The following BIRC6 variants were observed in gnomAD, a reference collection of about 807,000 sequenced individuals.
The protein encoded by BIRC6 is dual E2 ubiquitin-conjugating enzyme/E3 ubiquitin-protein ligase BIRC6.
Under a neutral mutation model 503.3 loss-of-function variants are expected in BIRC6, and 98 were observed. The observed-to-expected ratio is 0.19, with a 90% CI of 0.17 to 0.23. The LOEUF is 0.23. Ranked by LOEUF, BIRC6 falls within the 10% of genes least tolerant of loss-of-function variation. The pLI is 1.00. For missense variants in BIRC6, 5,360 were observed against 5,806.0 expected, an observed-to-expected ratio of 0.92 and a Z score of 2.50; for synonymous variants, 2,240 against 2,078.7, an observed-to-expected ratio of 1.08 and a Z score of -2.11.
At chr2:32,525,993 T>G (rs553412124) in intron 59 of BIRC6, among the ~76,000 whole-genome samples, 23 of 152,284 alleles carry the variant, frequency 1.5e-4, no homozygotes, top group African/African-American at 5.3e-4. Flanking sequence ...CTTAGACCAC[T>G]GGTAGTTAAG....
Position 32,439,488 on chromosome 2 carries a change from A to G in BIRC6, c.3632-20A>G, listed in dbSNP as rs551150815. The G allele has an allele frequency of 6.2e-7, 1 of 1,603,602 alleles. No homozygotes were observed. Among genetic ancestry groups the G allele is most frequent in the East Asian group, 2.2e-5 (1 of 44,724 alleles). ...TATTGGTGATTCAGTTATTTTCCCC[A>G]TTCTACTCCACTTCTCTAGGTATGG... On this transcript the variant is annotated intron_variant, in intron 15 of 73. Transcript: ENST00000421745.
intron 45 of BIRC6, among the ~76,000 whole-genome samples, chr2:32,496,080 A>G (rs1312161807): frequency 6.6e-6 from 1 of 152,038 alleles, no homozygotes; most frequent in Non-Finnish European, 1.5e-5. Flanking sequence ...TGACCTCGTG[A>G]TCAGCCTGCC....
intron 8 of BIRC6, among the ~76,000 whole-genome samples, chr2:32,404,007 A>G (rs1170654454): frequency 6.6e-6 from 1 of 151,090 alleles, no homozygotes; most frequent in African/African-American, 2.4e-5. Context: ...GGCTCACAGC[A>G]ACCTCTGCCT....
At chr2:32,584,166 A>T (rs908007794) in intron 66 of BIRC6, among the ~76,000 whole-genome samples, 1 of 152,204 alleles carries the variant, frequency 6.6e-6, no homozygotes, top group Non-Finnish European at 1.5e-5. Context: ...TGAGCCCAGG[A>T]GTTTAAGACA....
At position 32,448,828 on chromosome 2, in the gene BIRC6, C is replaced by A. The variant is rs1167813388; in HGVS notation, c.4518C>A (p.Val1506=). The part of the protein sequence containing the change: ...YGLYSSPFDP[V]LFDLEMSGSS... ...TATATAGCTCACCATTTGATCCAGT[C>A]CTCTTTGATTTGGAGATGAGTGGCT... is the stretch of plus-strand genomic sequence containing the variant. The change falls in exon 22 of 74, where the codon GTC becomes GTA. Residue 1506 remains valine, a synonymous_variant. Coordinates refer to ENST00000421745, the MANE Select transcript of BIRC6 (RefSeq NM_016252.4). 1.2e-6 allele frequency: 2 copies of A among 1,613,098 alleles called. No individual in the cohort carries two copies. The highest frequency in any genetic ancestry group is 1.3e-5 in the African/African-American group (1 of 74,880).
At chr2:32,558,330 C>T (rs1293503271) in intron 65 of BIRC6, among the ~76,000 whole-genome samples, 2 of 152,072 alleles carry the variant, frequency 1.3e-5, no homozygotes, top group African/African-American at 2.4e-5. Flanking sequence ...CAAAAAACTA[C>T]ACATACTTAG....
chr2:32,605,995 C>T (rs1242045267), intron 71 of BIRC6, among the ~76,000 whole-genome samples: 1 of 152,140 alleles, frequency 6.6e-6, no homozygotes, highest in African/African-American at 2.4e-5. Flanking sequence ...CTTTCGAGTA[C>T]TCATTTTTAA....
At chr2:32,559,774 A>C (rs57139164) in intron 65 of BIRC6, among the ~76,000 whole-genome samples, 1 of 151,614 alleles carries the variant, frequency 6.6e-6, no homozygotes. Flanking sequence ...TAATCCCAGC[A>C]CTTTGGGAGG....
intron 21 of BIRC6, among the ~76,000 whole-genome samples, chr2:32,446,700 T>G (rs539519034): frequency 6.7e-6 from 1 of 150,352 alleles, no homozygotes; most frequent in African/African-American, 2.4e-5. Context: ...TTCACTGAAT[T>G]TGATGGGTCA....
intron 1 of BIRC6, among the ~76,000 whole-genome samples, chr2:32,370,732 A>G (rs900553458): frequency 9.2e-5 from 14 of 152,058 alleles, no homozygotes; most frequent in African/African-American, 3.4e-4. Context: ...TAGTAGGTGT[A>G]TATATTTTTG....
At position 32,546,896 on chromosome 2, in the gene BIRC6, T is replaced by G. The variant is rs574917733; in HGVS notation, c.12811-954T>G. ...AATTTCGACACCACCCTGGCCAGCA[T>G]AGTGAAACTCTATCTCTATTAAAAT... On this transcript the variant is annotated intron_variant, in intron 63 of 73. Coordinates refer to ENST00000421745, the MANE Select transcript of BIRC6 (RefSeq NM_016252.4). 5.0e-4 allele frequency among the ~76,000 whole-genome samples: 76 copies of G among 152,186 alleles called. No individual in the cohort carries two copies. The South Asian group carries it at 0.016, about 31-fold the overall frequency.
At chr2:32,586,491 A>G (rs571451013) in intron 66 of BIRC6, among the ~76,000 whole-genome samples, 4 of 122,752 alleles carry the variant, frequency 3.3e-5, no homozygotes, top group Non-Finnish European at 4.7e-5. Context: ...ATGTGGCACT[A>G]TATCGGCTCA....
At chr2:32,486,551 GT>G (rs1335728903) in intron 40 of BIRC6, among the ~76,000 whole-genome samples, 3 of 152,134 alleles carry the variant, frequency 2.0e-5, no homozygotes, top group African/African-American at 7.2e-5. Context: ...GAGGGTGCTG[GT>G]TTTTGTTTTC....
intron 45 of BIRC6, among the ~76,000 whole-genome samples, chr2:32,499,322 GT>G (rs892534473): frequency 2.0e-5 from 3 of 152,158 alleles, no homozygotes; most frequent in African/African-American, 7.2e-5. Flanking sequence ...AAGGGAGGTT[GT>G]TTTTGAGTTT....
At chr2:32,466,961 T>A (rs891459690) in intron 26 of BIRC6, among the ~76,000 whole-genome samples, 1 of 151,944 alleles carries the variant, frequency 6.6e-6, no homozygotes, top group African/African-American at 2.4e-5. Context: ...CTACTAAAAC[T>A]ACAAAAAATT....
At chr2:32,546,003 G>A in intron 63 of BIRC6, 143 bp downstream of exon 63, 1 of 797,012 alleles carries the variant, frequency 1.3e-6, no homozygotes, top group Admixed American at 2.9e-5. Flanking sequence ...AACAGAAATT[G>A]TAAATTAATT....
chr2:32,438,518 G>A (rs2045001690), intron 15 of BIRC6, among the ~76,000 whole-genome samples: 1 of 150,700 alleles, frequency 6.6e-6, no homozygotes, highest in African/African-American at 2.4e-5. Flanking sequence ...TCCCAATTTG[G>A]TTAATATCAC....
At chr2:32,500,144 C>T (rs1204985009) in intron 46 of BIRC6, 35 bp downstream of exon 46, 2 of 1,516,864 alleles carry the variant, frequency 1.3e-6, no homozygotes, top group Non-Finnish European at 1.8e-6. Flanking sequence ...ACCATTGTCT[C>T]TGATACTATA....
intron 10 of BIRC6, among the ~76,000 whole-genome samples, chr2:32,424,245 A>G (rs1206535099): frequency 6.6e-6 from 1 of 151,714 alleles, no homozygotes; most frequent in Non-Finnish European, 1.5e-5. Context: ...GTGTGTATAT[A>G]TATGAATATA....
Sources: gnomAD v4.1 joint callset for allele counts (sites outside exome capture counted in the v4.1 genomes callset) on GRCh38, gnomAD v4.1.1 for gene constraint, MANE v1.5 for transcripts, NCBI Gene and HGNC (gene_info 2026-07-23, HGNC 2026-07-21) for gene names.